DPY19L4: variants seen among roughly 807,000 people sequenced by gnomAD.
The protein encoded by DPY19L4 is dpy-19 like 4.
Under a neutral mutation model 102.8 loss-of-function variants are expected in DPY19L4, and 97 were observed. That is an observed-to-expected ratio of 0.94 (90% CI 0.80 to 1.12). DPY19L4 has a LOEUF of 1.12. Among genes scored for constraint, DPY19L4 ranks in the 50% most tolerant of loss-of-function variants. The pLI, the probability that DPY19L4 is intolerant of heterozygous loss-of-function variation, is 0.00. For synonymous variants in DPY19L4, 252 were observed against 283.1 expected (o/e 0.89, Z 1.10); for missense variants, 815 against 850.4 (o/e 0.96, Z 0.52).
At position 94,768,503 on chromosome 8, in the gene DPY19L4, GTTAA is replaced by G. The variant is rs1812779396; in HGVS notation, c.1288_1291del (p.Ile430PhefsTer19). 1 of 1,580,826 alleles carries G rather than the reference GTTAA, an allele frequency of 6.3e-7. No individual in the cohort carries two copies. Among genetic ancestry groups the G allele is most frequent in the South Asian group, 1.1e-5 (1 of 86,960 alleles). On this transcript the variant is annotated frameshift_variant, in exon 12 of 19. Transcript: ENST00000414645. LOFTEE classifies it high-confidence loss of function. The stretch of plus-strand genomic sequence containing the variant: ...CTTTATTACCTTTCTACATTCTAGT[GTTAA>G]TTATTTGTTTTCTTTCTATGTTGCA...
chr8:94,751,123 CTT>C (rs1232060280), intron 6 of DPY19L4, among the ~76,000 whole-genome samples: 7 of 130,686 alleles, frequency 5.4e-5, no homozygotes, highest in Non-Finnish European at 3.3e-5. Flanking sequence ...TCTTTCTTTT[CTT>C]TTTTTTTTTT....
rs1372233778 is a variant in DPY19L4 at position 94,766,669 on chromosome 8, G to A, written c.1159G>A (p.Gly387Arg). ...GCTGAAATTCCTTGAAGTAAAATTT[G>A]GACTAAATATGACCAAGTAAGTTTT... Reference protein sequence around the residue: ...HMLKFLEVKFGLNMTKNFTMN... With the variant: ...HMLKFLEVKFRLNMTKNFTMN... The change falls in exon 11 of 19, where the codon GGA becomes AGA. Residue 387 changes from glycine to arginine, a missense_variant. Gly to Arg is a moderately radical substitution (Grantham distance 125, BLOSUM62 -2). Transcript: ENST00000414645. 1.2e-6 allele frequency: 2 copies of A among 1,613,446 alleles called. No individual in the cohort carries two copies. Among genetic ancestry groups the A allele is most frequent in the East Asian group, 2.2e-5 (1 of 44,854 alleles).
chr8:94,760,504 C>T (rs574411381), intron 7 of DPY19L4, among the ~76,000 whole-genome samples: 6 of 152,266 alleles, frequency 3.9e-5, no homozygotes, highest in South Asian at 4.1e-4. Flanking sequence ...TTCTTACATT[C>T]GGTTCTCTGG....
At chr8:94,720,044 G>C (rs1399878826) in intron 1 of DPY19L4, 30 bp downstream of exon 1, 10 of 1,525,004 alleles carry the variant, frequency 6.6e-6, no homozygotes, top group South Asian at 1.2e-5. Context: ...GCGCGCCAAC[G>C]GCTGCCAGTG....
intron 6 of DPY19L4, 32 bp from the exon 7 acceptor site, chr8:94,756,002 CTT>C (rs1279378637): frequency 3.2e-6 from 5 of 1,578,510 alleles, no homozygotes; most frequent in Non-Finnish European, 4.3e-6. Flanking sequence ...AATATAATGT[CTT>C]ATTTTTACTG....
chr8:94,729,438 G>GA (rs1041102466), intron 2 of DPY19L4, among the ~76,000 whole-genome samples: 575 of 127,882 alleles, frequency 4.5e-3, no homozygotes, highest in Non-Finnish European at 6.2e-3. Context: ...CAAAAAATCA[G>GA]AAAAAAAAAA....
At position 94,756,022 on chromosome 8, in the gene DPY19L4, G is replaced by A. The variant is rs1212419565; in HGVS notation, c.612-14G>A. 6.2e-7 allele frequency: 1 copy of A among 1,604,856 alleles called. No homozygotes were observed. The highest frequency in any genetic ancestry group is 1.3e-5 in the African/African-American group (1 of 74,454). On this transcript the variant is annotated splice_polypyrimidine_tract_variant and intron_variant, in intron 6 of 18. Coordinates refer to ENST00000414645, the MANE Select transcript of DPY19L4 (RefSeq NM_181787.3). ...AATGTCTTATTTTTACTGTTCATCT[G>A]TGGTTTATTTTAGGGTAGATACAAC...
chr8:94,755,898 A>G, intron 6 of DPY19L4, 138 bp from the exon 7 acceptor site: 3 of 847,932 alleles, frequency 3.5e-6, no homozygotes, highest in Non-Finnish European at 5.2e-6. Context: ...AAAAAAAAGG[A>G]CAATGGTGGA....
intron 3 of DPY19L4, among the ~76,000 whole-genome samples, chr8:94,737,025 A>T (rs1811216829): frequency 6.6e-6 from 1 of 152,184 alleles, no homozygotes; most frequent in Admixed American, 6.5e-5. Flanking sequence ...TGTTTCATTA[A>T]AATTATTGCC....
intron 7 of DPY19L4, 95 bp downstream of exon 7, chr8:94,756,254 T>G: frequency 1.3e-6 from 2 of 1,489,120 alleles, no homozygotes; most frequent in Non-Finnish European, 1.8e-6. Flanking sequence ...TAGTAAGAAT[T>G]AAATCATATT....
intron 6 of DPY19L4, among the ~76,000 whole-genome samples, chr8:94,744,120 C>G (rs1412105904): frequency 6.6e-6 from 1 of 152,206 alleles, no homozygotes; most frequent in South Asian, 2.1e-4. Context: ...TCACATATTT[C>G]GGTGGGTCAG....
intron 6 of DPY19L4, among the ~76,000 whole-genome samples, chr8:94,741,364 TA>T (rs1364120929): frequency 6.6e-5 from 10 of 152,332 alleles, no homozygotes; most frequent in Non-Finnish European, 1.2e-4. Context: ...ACCTTTGCCT[TA>T]AAGTAGTAAT....
chr8:94,746,141 A>G (rs1811665035), intron 6 of DPY19L4, among the ~76,000 whole-genome samples: 1 of 143,744 alleles, frequency 7.0e-6, no homozygotes, highest in Non-Finnish European at 1.5e-5. Flanking sequence ...GGCTCACTAC[A>G]ATGTCCACCT....
At chr8:94,783,316 A>T (rs1358802024) in intron 16 of DPY19L4, among the ~76,000 whole-genome samples, 1 of 152,212 alleles carries the variant, frequency 6.6e-6, no homozygotes, top group Non-Finnish European at 1.5e-5. Flanking sequence ...AATTCACAGT[A>T]TCATCACTGA....
At chr8:94,767,170 A>G (rs1812711685) in intron 11 of DPY19L4, among the ~76,000 whole-genome samples, 1 of 152,104 alleles carries the variant, frequency 6.6e-6, no homozygotes, top group Non-Finnish European at 1.5e-5. Context: ...TTCTCAGTCC[A>G]TCACTGAGCA....
intron 6 of DPY19L4, among the ~76,000 whole-genome samples, chr8:94,743,935 G>C (rs1489820252): frequency 1.3e-5 from 2 of 152,108 alleles, no homozygotes; most frequent in Non-Finnish European, 2.9e-5. Context: ...GAACTTGAGA[G>C]GCGGAGGCTG....
At chr8:94,763,250 G>T (rs1309446064) in intron 8 of DPY19L4, among the ~76,000 whole-genome samples, 2 of 133,914 alleles carry the variant, frequency 1.5e-5, no homozygotes, top group Non-Finnish European at 3.1e-5. Context: ...CCTGGCCAAG[G>T]TATCTTTTTT....
intron 18 of DPY19L4, 72 bp from the exon 19 acceptor site, chr8:94,789,674 T>C: frequency 7.6e-7 from 1 of 1,311,264 alleles, no homozygotes; most frequent in South Asian, 1.5e-5. Context: ...AATATACTCA[T>C]TTGTATATTG....
rs541194313 is a variant in DPY19L4 at position 94,780,467 on chromosome 8, A to G, written c.1632+52A>G. On this transcript the variant is annotated intron_variant, in intron 15 of 18. Transcript: ENST00000414645. ...TAAAATGTACTTTATCTACAAAGGT[A>G]GTGATAAATTTATATGTGTGGGTAG... 1.3e-5 allele frequency: 16 copies of G among 1,187,810 alleles called. 1 individual carries two copies. The Admixed American group carries it at 2.3e-4, about 17-fold the overall frequency. 73.6% of individuals were successfully genotyped at this position (1,187,810 alleles called of 1,614,324 possible).
Sources: gnomAD v4.1 joint callset for allele counts (sites outside exome capture counted in the v4.1 genomes callset) on GRCh38, gnomAD v4.1.1 for gene constraint, MANE v1.5 for transcripts, NCBI Gene and HGNC (gene_info 2026-07-23, HGNC 2026-07-21) for gene names.